The following SHROOM4 variants were observed in gnomAD, a reference collection of about 807,000 sequenced individuals.
The protein encoded by SHROOM4 is shroom family member 4, also known as protein Shroom4.
SHROOM4 carries 17 observed loss-of-function variants against 80.3 expected under a neutral mutation model. The observed-to-expected ratio is 0.21, with a 90% CI of 0.14 to 0.32. SHROOM4 has a LOEUF of 0.32. Ranked by LOEUF, SHROOM4 falls within the 10% of genes least tolerant of loss-of-function variation. SHROOM4 has a pLI of 1.00. For synonymous variants in SHROOM4, 400 were observed against 437.5 expected (o/e 0.91, Z 1.07); for missense variants, 993 against 1,140.3 (o/e 0.87, Z 1.86).
chrX:50,588,397 T>C lies in SHROOM4; in HGVS notation c.*8298A>G, dbSNP rs1569546172. Among the ~76,000 whole-genome samples, 1 of 112,192 alleles carries C rather than the reference T, an allele frequency of 8.9e-6. No individual in the cohort carries two copies. Among genetic ancestry groups the C allele is most frequent in the Non-Finnish European group, 1.9e-5 (1 of 53,267 alleles). On this transcript the variant is annotated 3_prime_UTR_variant, in exon 9 of 9. Coordinates refer to ENST00000376020, the MANE Select transcript of SHROOM4 (RefSeq NM_020717.5). ...AACATTCATTGGGTACTTATTGTCC[T>C]AAGTACTTTGCATGGATTAACTCAA...
At position 50,758,204 on chromosome X, in the gene SHROOM4, T is replaced by C. The variant is rs1215258445; in HGVS notation, c.117+55698A>G. On this transcript the variant is annotated intron_variant, in intron 1 of 8. Coordinates refer to ENST00000376020, the MANE Select transcript of SHROOM4 (RefSeq NM_020717.5). The stretch of plus-strand genomic sequence containing the variant: ...AATATTATCTATGAATAAAGACAAA[T>C]TAGCTTTTTTTGTCTAATTGCCTTG... Among the ~76,000 whole-genome samples the C allele has an allele frequency of 5.4e-5, 6 of 111,871 alleles. No homozygotes were observed. In the Admixed American group the frequency reaches 5.7e-4, roughly 11 times the overall value.
chrX:50,760,551 C>A (rs955072793), intron 1 of SHROOM4, among the ~76,000 whole-genome samples: 1 of 109,968 alleles, frequency 9.1e-6, no homozygotes, highest in Non-Finnish European at 1.9e-5. Flanking sequence ...TTGCTCAGAC[C>A]GGTCTTGAAC....
chrX:50,592,618 T>A lies in SHROOM4; in HGVS notation c.*4077A>T, dbSNP rs1479640024. On this transcript the variant is annotated 3_prime_UTR_variant, in exon 9 of 9. Transcript: ENST00000376020. The stretch of plus-strand genomic sequence containing the variant: ...GAAAGCTTTTCAATGTCAGAGTTGC[T>A]TCCTGGAATACATTTGAGTCTAATC... The A allele has an allele frequency of 7.9e-6, 1 of 126,233 alleles. No individual in the cohort carries two copies. Among genetic ancestry groups the A allele is most frequent in the Non-Finnish European group, 1.6e-5 (1 of 61,844 alleles). 10.4% of individuals were successfully genotyped at this position (126,233 alleles called of 1,213,427 possible). A position where few individuals can be genotyped will look rare whatever the true frequency, so the allele number is the denominator to read the frequency against.
intron 1 of SHROOM4, among the ~76,000 whole-genome samples, chrX:50,767,797 A>G (rs781954045): frequency 1.8e-5 from 2 of 111,891 alleles, no homozygotes; most frequent in South Asian, 7.4e-4. Context: ...ATATTTTCAT[A>G]TGGAAACATG....
chrX:50,792,396 T>C (rs782604250), intron 1 of SHROOM4, among the ~76,000 whole-genome samples: 1 of 109,539 alleles, frequency 9.1e-6, no homozygotes, highest in Non-Finnish European at 1.9e-5. Flanking sequence ...ATCCCAGCTA[T>C]TTGGGAGGCT....
At chrX:50,692,145 A>G (rs1052100891) in intron 2 of SHROOM4, among the ~76,000 whole-genome samples, 1 of 111,989 alleles carries the variant, frequency 8.9e-6, no homozygotes, top group Non-Finnish European at 1.9e-5. Flanking sequence ...GAAAGAGGAC[A>G]TGGAACTCAC....
chrX:50,617,940 A>G lies in SHROOM4; in HGVS notation c.2957+9674T>C, dbSNP rs149275025. Among the ~76,000 whole-genome samples, 122 of 111,569 alleles carry G rather than the reference A, an allele frequency of 1.1e-3. No individual in the cohort carries two copies. The East Asian group carries it at 0.022, about 20-fold the overall frequency. On this transcript the variant is annotated intron_variant, in intron 5 of 8. Coordinates refer to ENST00000376020, the MANE Select transcript of SHROOM4 (RefSeq NM_020717.5). Reference sequence around the variant, plus strand: ...ATCTGGGCCAACGTGTGTACTAGTCATTCCTTCAACAAATCCTTGCTGAAT... The same window carrying G: ...ATCTGGGCCAACGTGTGTACTAGTCGTTCCTTCAACAAATCCTTGCTGAAT...
chrX:50,710,439 C>A (rs1933783939), intron 1 of SHROOM4, among the ~76,000 whole-genome samples: 1 of 111,351 alleles, frequency 9.0e-6, no homozygotes, highest in East Asian at 2.8e-4. Flanking sequence ...CACATATTCT[C>A]ACTTATAAGT....
Position 50,596,487 on chromosome X carries a change from G to C in SHROOM4, c.*208C>G, listed in dbSNP as rs1378934683. Reference sequence around the variant, plus strand: ...GGTTCTAAGATCACACCTTGCTGCAGCTCCCTTGGGTAGAAGCTTGTGGCT... The same window carrying C: ...GGTTCTAAGATCACACCTTGCTGCACCTCCCTTGGGTAGAAGCTTGTGGCT... On this transcript the variant is annotated 3_prime_UTR_variant, in exon 9 of 9. Coordinates refer to ENST00000376020, the MANE Select transcript of SHROOM4 (RefSeq NM_020717.5). 3.2e-5 allele frequency: 17 copies of C among 536,309 alleles called. No homozygotes were observed. In the African/African-American group the frequency reaches 3.9e-4, roughly 12 times the overall value. The allele number at this position is 536,309 out of a possible 1,213,427, so 44.2% of individuals were successfully genotyped here.
At chrX:50,704,612 G>A (rs1933608734) in intron 1 of SHROOM4, among the ~76,000 whole-genome samples, 1 of 111,573 alleles carries the variant, frequency 9.0e-6, no homozygotes, top group Admixed American at 9.5e-5. Flanking sequence ...AGTACACATA[G>A]CCAACATTAG....
chrX:50,612,719 C>G (rs1186799442), intron 5 of SHROOM4, among the ~76,000 whole-genome samples: 5 of 111,306 alleles, frequency 4.5e-5, no homozygotes, highest in African/African-American at 1.6e-4. Flanking sequence ...AAGACTGGTT[C>G]AGTAATAGAA....
At chrX:50,724,584 C>A (rs1164557156) in intron 1 of SHROOM4, among the ~76,000 whole-genome samples, 2 of 112,834 alleles carry the variant, frequency 1.8e-5, no homozygotes, top group East Asian at 5.6e-4. Context: ...CCTGCTTCAG[C>A]CTCCCGAGTA....
intron 8 of SHROOM4, 25 bp downstream of exon 8, chrX:50,598,241 C>T: frequency 6.6e-6 from 8 of 1,210,847 alleles, no homozygotes; most frequent in African/African-American, 5.2e-5. Flanking sequence ...TCCCTCTACC[C>T]ACACCCCACA....
intron 1 of SHROOM4, among the ~76,000 whole-genome samples, chrX:50,774,353 C>T (rs782221074): frequency 5.3e-4 from 59 of 111,293 alleles, no homozygotes; most frequent in Non-Finnish European, 1.0e-3. Flanking sequence ...TCACTTAAAC[C>T]ACCTACATCT....
Position 50,800,127 on chromosome X carries a change from G to A in SHROOM4, c.117+13775C>T, listed in dbSNP as rs191775417. On this transcript the variant is annotated intron_variant, in intron 1 of 8. Transcript: ENST00000376020. ...TTCCCTCTGCCTCTAGTTCCCATGT[G>A]TGTGTCATTCAAGGCTCACCCCACT... 2.5e-3 allele frequency among the ~76,000 whole-genome samples: 284 copies of A among 112,123 alleles called. 1 individual carries two copies. The highest frequency in any genetic ancestry group is 8.5e-3 in the African/African-American group (262 of 30,880).
intron 5 of SHROOM4, among the ~76,000 whole-genome samples, chrX:50,610,352 T>TCTCTCACACACACACACACACACACA (rs782591424): frequency 8.7e-5 from 8 of 91,716 alleles, no homozygotes; most frequent in African/African-American, 3.7e-4. Context: ...TCTCTCTCTC[T>TCTCTCACACACACACACACACACACA]CACACACACA....
At chrX:50,729,386 A>C (rs1162115966) in intron 1 of SHROOM4, among the ~76,000 whole-genome samples, 2 of 112,095 alleles carry the variant, frequency 1.8e-5, no homozygotes, top group East Asian at 5.6e-4. Context: ...TGAAATATTC[A>C]CTAGAGATTT....
chrX:50,773,286 A>G (rs1434557050), intron 1 of SHROOM4, among the ~76,000 whole-genome samples: 1 of 112,493 alleles, frequency 8.9e-6, no homozygotes, highest in Non-Finnish European at 1.9e-5. Flanking sequence ...AACATGGCTT[A>G]AGGTTGAGGC....
chrX:50,600,306 GC>G lies in SHROOM4; in HGVS notation c.3943-1772del, dbSNP rs1403197907. Among the ~76,000 whole-genome samples, 9 of 111,505 alleles carry G rather than the reference GC, an allele frequency of 8.1e-5. No homozygotes were observed. The East Asian group carries it at 1.1e-3, about 14-fold the overall frequency. On this transcript the variant is annotated intron_variant, in intron 7 of 8. Coordinates refer to ENST00000376020, the MANE Select transcript of SHROOM4 (RefSeq NM_020717.5). ...GACAAGAATGGCCCTGTCCCAGGCTGCCCATAGCCTCTGTAGACAGTACTGC... is the reference window on the plus strand; with the variant it reads ...GACAAGAATGGCCCTGTCCCAGGCTGCCATAGCCTCTGTAGACAGTACTGC...
Sources: allele counts gnomAD v4.1 joint callset (sites outside exome capture counted in the v4.1 genomes callset), GRCh38; gene constraint gnomAD v4.1.1; transcripts MANE v1.5; gene names NCBI Gene and HGNC (gene_info 2026-07-23, HGNC 2026-07-21).